The following SPATA9 variants were observed in gnomAD, a reference collection of about 807,000 sequenced individuals.
SPATA9 encodes the protein spermatogenesis associated 9.
SPATA9 carries 27 observed loss-of-function variants against 25.5 expected under a neutral mutation model. The observed-to-expected ratio is 1.06, with a 90% CI of 0.78 to 1.46. SPATA9 has a LOEUF of 1.46. SPATA9 is among the 40% of genes most tolerant of loss of function. SPATA9 has a pLI of 0.00. For missense variants in SPATA9, 282 were observed against 297.5 expected, an observed-to-expected ratio of 0.95 and a Z score of 0.38; for synonymous variants, 102 against 105.7, an observed-to-expected ratio of 0.97 and a Z score of 0.21.
intron 4 of SPATA9, among the ~76,000 whole-genome samples, chr5:95,660,067 TGTAAC>T (rs1751125745): frequency 6.6e-6 from 1 of 152,140 alleles, no homozygotes; most frequent in Non-Finnish European, 1.5e-5. Flanking sequence ...TTAGGGCTGC[TGTAAC>T]AAAATACCAT....
At chr5:95,728,974 C>T in the SPATA9 span, among the ~76,000 whole-genome samples, 2 of 152,198 alleles carry the variant, frequency 1.3e-5, no homozygotes, top group African/African-American at 4.8e-5. Flanking sequence ...ACAAATGTCA[C>T]GGCAATGTCA....
At chr5:95,706,237 AAATCTCATGTCGAATTGT>A in the SPATA9 span, among the ~76,000 whole-genome samples, 1 of 151,834 alleles carries the variant, frequency 6.6e-6, no homozygotes, top group South Asian at 2.1e-4. Flanking sequence ...GTCCCCACCC[AAATCTCATGTCGAATTGT>A]AATTCCCAGT....
intron 4 of SPATA9, chr5:95,659,254 T>G (rs1272774151): frequency 5.7e-5 from 11 of 192,904 alleles, no homozygotes; most frequent in Admixed American, 1.6e-4. Flanking sequence ...TCAAACATGG[T>G]TTTTCTCAAA....
At chr5:95,707,733 TTG>T in the SPATA9 span, among the ~76,000 whole-genome samples, 1 of 152,066 alleles carries the variant, frequency 6.6e-6, no homozygotes, top group Non-Finnish European at 1.5e-5. Flanking sequence ...AGTTAAGTCC[TTG>T]AGGAGGGAGC....
the SPATA9 span, chr5:95,717,831 A>C: frequency 6.6e-6 from 1 of 152,354 alleles, no homozygotes; most frequent in South Asian, 2.1e-4. Flanking sequence ...AGATTGATTT[A>C]GAAGGGACAT....
chr5:95,704,623 T>C, the SPATA9 span, among the ~76,000 whole-genome samples: 1 of 152,128 alleles, frequency 6.6e-6, no homozygotes, highest in African/African-American at 2.4e-5. Context: ...TCCTTATAAA[T>C]ATATTGCCTT....
chr5:95,654,406 A>G, downstream of SPATA9: 1 of 1,309,236 alleles, frequency 7.6e-7, no homozygotes, highest in Non-Finnish European at 1.1e-6. Flanking sequence ...AATTCAGCAA[A>G]TAAATATATT....
the SPATA9 span, among the ~76,000 whole-genome samples, chr5:95,728,815 G>T: frequency 6.6e-6 from 1 of 152,156 alleles, no homozygotes. Context: ...AGACCTTGCT[G>T]ATAAAACAGA....
chr5:95,664,707 C>A (rs1349889474), intron 3 of SPATA9, among the ~76,000 whole-genome samples: 2 of 152,132 alleles, frequency 1.3e-5, no homozygotes, highest in Non-Finnish European at 2.9e-5. Context: ...TTGCCTTGAG[C>A]AGGGTATGAA....
chr5:95,731,104 G>A, the SPATA9 span: 87 of 1,106,992 alleles, frequency 7.9e-5, 2 homozygotes, highest in Non-Finnish European at 4.7e-5. Flanking sequence ...GGAGCTCTCG[G>A]GCTGGGGCGT....
intron 1 of SPATA9, among the ~76,000 whole-genome samples, chr5:95,696,861 GAAACA>G (rs1054128978): frequency 6.6e-6 from 1 of 152,090 alleles, no homozygotes; most frequent in African/African-American, 2.4e-5. Context: ...GTCTCCAAGT[GAAACA>G]AAACAAAACA....
At chr5:95,656,211 A>G, downstream of SPATA9, 1 of 1,614,026 alleles carries the variant, frequency 6.2e-7, no homozygotes, top group Non-Finnish European at 8.5e-7. Context: ...GACAGTAGAC[A>G]ACGGAAATAT....
chr5:95,715,295 G>T, the SPATA9 span, among the ~76,000 whole-genome samples: 1 of 150,174 alleles, frequency 6.7e-6, no homozygotes, highest in African/African-American at 2.5e-5. Context: ...CTGCACTCCA[G>T]CCTGGGGACA....
chr5:95,675,942 C>T (rs907627080), intron 2 of SPATA9, among the ~76,000 whole-genome samples: 1 of 151,526 alleles, frequency 6.6e-6, no homozygotes, highest in Non-Finnish European at 1.5e-5. Context: ...CTGACTCAGC[C>T]TCCCGAGTAA....
the SPATA9 span, among the ~76,000 whole-genome samples, chr5:95,726,407 C>G: frequency 6.6e-6 from 1 of 152,160 alleles, no homozygotes; most frequent in African/African-American, 2.4e-5. Flanking sequence ...CTTAAACATG[C>G]TAGAAACTTT....
chr5:95,680,044 C>T (rs546351071), intron 2 of SPATA9, among the ~76,000 whole-genome samples: 27 of 152,326 alleles, frequency 1.8e-4, no homozygotes, highest in Admixed American at 5.2e-4. Flanking sequence ...ACTACAGGCG[C>T]CCGCCACATT....
chr5:95,706,490 A>G, the SPATA9 span, among the ~76,000 whole-genome samples: 2 of 152,014 alleles, frequency 1.3e-5, no homozygotes, highest in Non-Finnish European at 2.9e-5. Flanking sequence ...CCTCCCCAGA[A>G]GCAGAATCCT....
At chr5:95,712,786 G>A in the SPATA9 span, among the ~76,000 whole-genome samples, 1 of 152,170 alleles carries the variant, frequency 6.6e-6, no homozygotes, top group Non-Finnish European at 1.5e-5. Flanking sequence ...GAATTTGTCA[G>A]TAAAATGAAA....
the SPATA9 span, among the ~76,000 whole-genome samples, chr5:95,725,639 T>C: frequency 1.3e-5 from 2 of 152,382 alleles, no homozygotes; most frequent in African/African-American, 4.8e-5. Flanking sequence ...CAAAAACTTT[T>C]TCAAGCTGCT....
Sources: allele counts gnomAD v4.1 joint callset (sites outside exome capture counted in the v4.1 genomes callset), GRCh38; gene constraint gnomAD v4.1.1; transcripts MANE v1.5; gene names NCBI Gene and HGNC (gene_info 2026-07-23, HGNC 2026-07-21).